The following PRCD variants were observed in gnomAD, a reference collection of about 807,000 sequenced individuals.
PRCD encodes the protein photoreceptor disk component PRCD.
In PRCD, 12 loss-of-function variants were observed where a neutral mutation model predicts 10.1. The ratio of observed to expected loss-of-function variants is 1.18; its 90% CI spans 0.76 to 1.92. The LOEUF is 1.92. Among genes scored for constraint, PRCD ranks in the 40% most tolerant of loss-of-function variants. The pLI is 0.00. For synonymous variants in PRCD, 31 were observed against 26.2 expected, an observed-to-expected ratio of 1.18 and a Z score of -0.56; for missense variants, 61 against 72.2, an observed-to-expected ratio of 0.84 and a Z score of 0.56.
intron 1 of PRCD, among the ~76,000 whole-genome samples, chr17:76,534,812 G>A (rs1340088612): frequency 1.3e-5 from 2 of 152,200 alleles, no homozygotes; most frequent in Non-Finnish European, 2.9e-5. Context: ...TTGTGGCCCT[G>A]AGGAATGACA....
chr17:76,528,966 G>T lies in PRCD; in HGVS notation n.45+1133G>T. 2.9e-6 allele frequency: 3 copies of T among 1,045,208 alleles called. No homozygotes were observed. Among genetic ancestry groups the T allele is most frequent in the Non-Finnish European group, 3.5e-6 (3 of 869,552 alleles). The allele number at this position is 1,045,208 out of a possible 1,614,324, so 64.7% of individuals were successfully genotyped here. Reference sequence around the variant, plus strand: ...TCTGAAACGTGGCGCATTCTGTCCGGCCTGTCTCGTCCCTCCTCGGGCCAC... The same window carrying T: ...TCTGAAACGTGGCGCATTCTGTCCGTCCTGTCTCGTCCCTCCTCGGGCCAC... On this transcript the variant is annotated intron_variant and non_coding_transcript_variant, in intron 1 of 4. Coordinates refer to the PRCD transcript ENST00000397633. The surrounding 1 kb of genome is among the most constrained non-coding windows in gnomAD (Gnocchi z 5.8).
At chr17:76,529,950 G>A in intron 1 of PRCD, 1 of 985,310 alleles carries the variant, frequency 1.0e-6, no homozygotes, top group Non-Finnish European at 1.2e-6. Context: ...GGGCCAGTGT[G>A]GTCAGCAGCA....
Position 76,531,785 on chromosome 17 carries a change from G to A in PRCD, n.45+3952G>A, listed in dbSNP as rs149990945. 17 of 1,022,380 alleles carry A rather than the reference G, an allele frequency of 1.7e-5. No homozygotes were observed. Among genetic ancestry groups the A allele is most frequent in the African/African-American group, 1.1e-4 (7 of 62,760 alleles). 63.3% of individuals were successfully genotyped at this position (1,022,380 alleles called of 1,614,324 possible). ...ATAGTGGGGGCTGAAGAAGTGGACC[G>A]CAGTGCTCCCCACCCCCGCACCGTC... On this transcript the variant is annotated intron_variant and non_coding_transcript_variant, in intron 1 of 4. Coordinates refer to the PRCD transcript ENST00000397633. This position sits in a 1 kb window ranked among gnomAD's most constrained non-coding sequence, Gnocchi z 7.4.
At chr17:76,534,798 C>T (rs1023573401) in intron 1 of PRCD, among the ~76,000 whole-genome samples, 3 of 152,204 alleles carry the variant, frequency 2.0e-5, no homozygotes, top group African/African-American at 2.4e-5. Flanking sequence ...CACCCACCAC[C>T]GGGTTGTGGC....
chr17:76,542,530 C>A (rs200930462), intron 2 of PRCD, 23 bp from the exon 3 acceptor site: 91 of 1,614,002 alleles, frequency 5.6e-5, no homozygotes, highest in Middle Eastern at 3.3e-4. Context: ...TCAATCCTGA[C>A]CCCAGTGCTT....
In PRCD at chr17:76,540,358, C is replaced by G; in HGVS notation, c.74+143C>G. The G allele has an allele frequency of 7.8e-7, 1 of 1,274,928 alleles. No individual in the cohort carries two copies. Among genetic ancestry groups the G allele is most frequent in the Middle Eastern group, 1.9e-4 (1 of 5,330 alleles). 79.0% of individuals were successfully genotyped at this position (1,274,928 alleles called of 1,614,324 possible). A position where few individuals can be genotyped will look rare whatever the true frequency, so the allele number is the denominator to read the frequency against. ...GCATTTTGAGGAACCCTTGAGAGAG[C>G]ACAGTCTCAGAGCAGGGGGACTTAG... On this transcript the variant is annotated intron_variant, in intron 1 of 4. Transcript: ENST00000592014. This position sits in a 1 kb window ranked among gnomAD's most constrained non-coding sequence, Gnocchi z 5.0.
At chr17:76,535,947 A>C (rs1009347588), upstream of PRCD, among the ~76,000 whole-genome samples, 29 of 152,312 alleles carry the variant, frequency 1.9e-4, no homozygotes, top group Admixed American at 3.9e-4. Flanking sequence ...AGACGCATGC[A>C]AGGCCGGTGG....
upstream of PRCD, chr17:76,537,579 C>T: frequency 8.0e-7 from 1 of 1,254,092 alleles, no homozygotes; most frequent in Non-Finnish European, 1.0e-6. Flanking sequence ...TGCTCGGCGG[C>T]GGCGGTGGCG....
Position 76,531,149 on chromosome 17 carries a change from G to A in PRCD, n.45+3316G>A. The A allele has an allele frequency of 1.9e-6, 3 of 1,611,158 alleles. No individual in the cohort carries two copies. Among genetic ancestry groups the A allele is most frequent in the Non-Finnish European group, 2.5e-6 (3 of 1,178,172 alleles). The stretch of plus-strand genomic sequence containing the variant: ...GAATGACCCCAGAGAGGATCTGGGG[G>A]CAAAGGGAGGAAGGGGGAGTGAACG... On this transcript the variant is annotated intron_variant and non_coding_transcript_variant, in intron 1 of 4. Transcript: ENST00000397633. This position sits in a 1 kb window ranked among gnomAD's most constrained non-coding sequence, Gnocchi z 7.4.
chr17:76,530,952 C>G lies in PRCD; in HGVS notation n.45+3119C>G. 1 of 1,544,544 alleles carries G rather than the reference C, an allele frequency of 6.5e-7. No individual in the cohort carries two copies. The highest frequency in any genetic ancestry group is 8.8e-7 in the Non-Finnish European group (1 of 1,142,000). On this transcript the variant is annotated intron_variant and non_coding_transcript_variant, in intron 1 of 4. Transcript: ENST00000397633. The surrounding 1 kb of genome is among the most constrained non-coding windows in gnomAD (Gnocchi z 6.1). ...GCAGAGGACATGGCGGGGAGGCTGC[C>G]CAGCCCACCCTCGCCCGCCTCCTCA...
chr17:76,527,750 G>A (rs745558800), upstream of PRCD: 28 of 454,026 alleles, frequency 6.2e-5, no homozygotes, highest in East Asian at 6.9e-5. Context: ...GCTAGCGGTC[G>A]AGGTTTCTGG....
At chr17:76,546,397 CA>C (rs1462081775), downstream of PRCD, 1 of 151,682 alleles carries the variant, frequency 6.6e-6, no homozygotes, top group East Asian at 1.9e-4. The surrounding 1 kb of genome is among the most constrained non-coding windows in gnomAD (Gnocchi z 4.5). Flanking sequence ...GTGTAGATGT[CA>C]CCTTGGGGAG....
At position 76,533,293 on chromosome 17, in the gene PRCD, G is replaced by T. The variant is rs2074870263; in HGVS notation, n.45+5460G>T. ...CGCTCACTGCTTCATGGATACACGG[G>T]TGAGGACACGTGAGGCGACGGGTCT... On this transcript the variant is annotated intron_variant and non_coding_transcript_variant, in intron 1 of 4. Transcript: ENST00000397633. This position sits in a 1 kb window ranked among gnomAD's most constrained non-coding sequence, Gnocchi z 4.5. 6.6e-6 allele frequency among the ~76,000 whole-genome samples: 1 copy of T among 152,236 alleles called. No homozygotes were observed. The highest frequency in any genetic ancestry group is 2.1e-4 in the South Asian group (1 of 4,834).
chr17:76,543,198 ACCTG>A (rs2075012883), intron 4 of PRCD, 77 bp downstream of exon 4: 6 of 426,896 alleles, frequency 1.4e-5, no homozygotes, highest in South Asian at 1.0e-4. Flanking sequence ...CCTGAGCAGG[ACCTG>A]GCTGGGCCTG....
chr17:76,529,351 C>A (rs569794360), intron 1 of PRCD: 1 of 985,436 alleles, frequency 1.0e-6, no homozygotes, highest in African/African-American at 1.7e-5. Flanking sequence ...GGTAGCCCAT[C>A]TCCATTCAGT....
Position 76,530,047 on chromosome 17 carries a change from TGGG to T in PRCD, n.45+2217_45+2219del. The T allele has an allele frequency of 1.0e-6, 1 of 985,326 alleles. No individual in the cohort carries two copies. The highest frequency in any genetic ancestry group is 1.2e-6 in the Non-Finnish European group (1 of 829,876). The allele number at this position is 985,326 out of a possible 1,614,324, so 61.0% of individuals were successfully genotyped here. ...CTGTGAACAGAAGGGCCGGCAGTCTTGGGGGCCCGTGCAGAGCCCGGCGGGAGA... is the reference window on the plus strand; with the variant it reads ...CTGTGAACAGAAGGGCCGGCAGTCTTGGCCCGTGCAGAGCCCGGCGGGAGA... On this transcript the variant is annotated intron_variant and non_coding_transcript_variant, in intron 1 of 4. Coordinates refer to the PRCD transcript ENST00000397633. The surrounding 1 kb of genome is among the most constrained non-coding windows in gnomAD (Gnocchi z 6.1).
chr17:76,544,618 T>C lies in PRCD; in HGVS notation c.*968T>C, dbSNP rs1369477499. ...CCCAGGCCGTGAGCCCGTGATCGCC[T>C]GTCTCAGCTCCTGTCAGCCTGTCTC... is the stretch of plus-strand genomic sequence containing the variant. On this transcript the variant is annotated 3_prime_UTR_variant, in exon 5 of 5. Transcript: ENST00000592014. 1 of 456,800 alleles carries C rather than the reference T, an allele frequency of 2.2e-6. No individual in the cohort carries two copies. Among genetic ancestry groups the C allele is most frequent in the Non-Finnish European group, 4.4e-6 (1 of 226,982 alleles). The allele number at this position is 456,800 out of a possible 1,614,324, so 28.3% of individuals were successfully genotyped here. A position where few individuals can be genotyped will look rare whatever the true frequency, so the allele number is the denominator to read the frequency against.
At position 76,531,202 on chromosome 17, in the gene PRCD, C is replaced by G. The variant is rs2074836429; in HGVS notation, n.45+3369C>G. 5 of 1,542,164 alleles carry G rather than the reference C, an allele frequency of 3.2e-6. No homozygotes were observed. Among genetic ancestry groups the G allele is most frequent in the Non-Finnish European group, 4.4e-6 (5 of 1,129,826 alleles). On this transcript the variant is annotated intron_variant and non_coding_transcript_variant, in intron 1 of 4. Coordinates refer to the PRCD transcript ENST00000397633. The surrounding 1 kb of genome is among the most constrained non-coding windows in gnomAD (Gnocchi z 7.4). ...CGGGCGCCCTGCGTCCTGCAACCCCCAGGCCCCTCCGCCCCACGTGTGGCC... is the reference window on the plus strand; with the variant it reads ...CGGGCGCCCTGCGTCCTGCAACCCCGAGGCCCCTCCGCCCCACGTGTGGCC...
At chr17:76,537,265 T>G (rs9914096), upstream of PRCD, 1 of 1,041,934 alleles carries the variant, frequency 9.6e-7, no homozygotes, top group East Asian at 3.4e-5. Context: ...CGCCGCCTGC[T>G]CCGCCGACCT....
Sources: allele counts gnomAD v4.1 joint callset (sites outside exome capture counted in the v4.1 genomes callset), GRCh38; gene constraint gnomAD v4.1.1; non-coding constraint Gnocchi (gnomAD v3.1); transcripts MANE v1.5; gene names NCBI Gene and HGNC (gene_info 2026-07-23, HGNC 2026-07-21).